The following RALGDS variants were observed in gnomAD, a reference collection of about 807,000 sequenced individuals.
RALGDS encodes ral guanine nucleotide exchange factor.
RALGDS carries 44 observed loss-of-function variants against 99.8 expected under a neutral mutation model. The observed-to-expected ratio is 0.44, with a 90% CI of 0.35 to 0.57. The LOEUF is 0.57. Among genes scored for constraint, RALGDS ranks in the 20% least tolerant of loss-of-function variants. The pLI is 0.01. For synonymous variants in RALGDS, 529 were observed against 505.0 expected (o/e 1.05, Z -0.64); for missense variants, 1,022 against 1,203.1 (o/e 0.85, Z 2.23).
intron 1 of RALGDS, chr9:133,129,277 C>T (rs1283750605): frequency 1.3e-6 from 2 of 1,594,954 alleles, no homozygotes; most frequent in African/African-American, 2.7e-5. Flanking sequence ...TCCCCCTGGG[C>T]ACGGCAGGCC....
upstream of RALGDS, among the ~76,000 whole-genome samples, chr9:133,132,893 T>C (rs914556264): frequency 6.6e-6 from 1 of 151,966 alleles, no homozygotes; most frequent in Non-Finnish European, 1.5e-5. Context: ...CGCCTTGGCC[T>C]CCCAAAATGC....
chr9:133,114,006 G>C (rs1326048493), intron 1 of RALGDS, among the ~76,000 whole-genome samples: 7 of 152,218 alleles, frequency 4.6e-5, no homozygotes, highest in African/African-American at 7.2e-5. Flanking sequence ...CCAATCCCCA[G>C]GAGGGGCTGA....
upstream of RALGDS, chr9:133,121,312 G>T: frequency 1.3e-6 from 1 of 782,960 alleles, no homozygotes; most frequent in Non-Finnish European, 1.6e-6. Context: ...GTGGGGCCGG[G>T]GAGGGGCGGA....
Position 133,112,690 on chromosome 9 carries a change from C to T in RALGDS, c.184-538G>A, listed in dbSNP as rs910010204. On this transcript the variant is annotated intron_variant, in intron 1 of 17. Transcript: ENST00000372050. The stretch of plus-strand genomic sequence containing the variant: ...CCCTCCTCTACCCAGCCTGGGGGGC[C>T]CTGGCTGACCTAGCAGGAACGCACA... Among the ~76,000 whole-genome samples the T allele has an allele frequency of 9.2e-5, 14 of 152,304 alleles. 1 individual carries two copies. Among genetic ancestry groups the T allele is most frequent in the Admixed American group, 9.1e-4 (14 of 15,308 alleles).
chr9:133,132,470 G>A (rs1407032466), upstream of RALGDS, among the ~76,000 whole-genome samples: 6 of 152,222 alleles, frequency 3.9e-5, no homozygotes, highest in African/African-American at 1.4e-4. Context: ...GTTTGAGGGG[G>A]TGGGGAGGGC....
chr9:133,099,543 T>C (rs1252283407), intron 17 of RALGDS: 1 of 153,132 alleles, frequency 6.5e-6, no homozygotes, highest in Non-Finnish European at 1.5e-5. Flanking sequence ...AGTTAACTTT[T>C]ATGGTGCACA....
rs527882517 is a variant in RALGDS, at chr9:133,107,654, G to A, written c.1197+334C>T. Among the ~76,000 whole-genome samples, 580 of 152,342 alleles carry A rather than the reference G, an allele frequency of 3.8e-3. 6 individuals carry two copies. Among genetic ancestry groups the A allele is most frequent in the African/African-American group, 0.014 (567 of 41,582 alleles). On this transcript the variant is annotated intron_variant, in intron 6 of 17. Coordinates refer to ENST00000372050, the MANE Select transcript of RALGDS (RefSeq NM_006266.4). Reference sequence around the variant, plus strand: ...AGGACACACCAAGTGCCTAATGAGTGCTGAGGCTGGTGAGCCTCCTGAACA... The same window carrying A: ...AGGACACACCAAGTGCCTAATGAGTACTGAGGCTGGTGAGCCTCCTGAACA...
intron 1 of RALGDS, among the ~76,000 whole-genome samples, chr9:133,139,229 C>T (rs911547149): frequency 6.6e-6 from 1 of 152,214 alleles, no homozygotes; most frequent in Non-Finnish European, 1.5e-5. Context: ...CCTGCAGGCC[C>T]AGAGGCCCTG....
chr9:133,108,788 G>A lies in RALGDS; in HGVS notation c.663C>T (p.Leu221=), dbSNP rs752555381. Residue 221 remains leucine (L), a synonymous_variant, in exon 5 of 18, where the codon CTC becomes CTT. Coordinates refer to ENST00000372050, the MANE Select transcript of RALGDS (RefSeq NM_006266.4). ...DFCQPPDFPC[L]KQLVAYVQLN... is the part of the protein sequence containing the mutation. ...GCTGCACGTAGGCCACCAGCTGCTT[G>A]AGGCAGGGAAAGTCCGGAGGTTGAC... 2 of 1,613,592 alleles carry A rather than the reference G, an allele frequency of 1.2e-6. No individual in the cohort carries two copies. Among genetic ancestry groups the A allele is most frequent in the Admixed American group, 1.7e-5 (1 of 60,018 alleles).
In RALGDS at chr9:133,098,559, C is replaced by T. The variant is rs957917376; in HGVS notation, c.*28G>A. ...CTCTGGTCCATAAGTGCTTGGCTAC[C>T]AGCCAGCCAGACCCTGGGAGGATGC... On this transcript the variant is annotated 3_prime_UTR_variant, in exon 18 of 18. Coordinates refer to ENST00000372050, the MANE Select transcript of RALGDS (RefSeq NM_006266.4). The T allele has an allele frequency of 2.5e-6, 4 of 1,612,654 alleles. No homozygotes were observed. Among genetic ancestry groups the T allele is most frequent in the Middle Eastern group, 1.8e-4 (1 of 5,600 alleles).
chr9:133,115,374 C>T (rs1231028132), intron 1 of RALGDS, among the ~76,000 whole-genome samples: 3 of 152,182 alleles, frequency 2.0e-5, no homozygotes, highest in African/African-American at 7.2e-5. Flanking sequence ...CCTGGTCCTC[C>T]CCGGGCCTGT....
In RALGDS at chr9:133,144,157, A is replaced by G. The variant is rs1462323923; in HGVS notation, c.18+4806T>C. Among the ~76,000 whole-genome samples, 2 of 152,160 alleles carry G rather than the reference A, an allele frequency of 1.3e-5. No homozygotes were observed. The highest frequency in any genetic ancestry group is 2.9e-5 in the Non-Finnish European group (2 of 68,030). On this transcript the variant is annotated intron_variant, in intron 1 of 17. Transcript: ENST00000393160. The surrounding 1 kb of genome is among the most constrained non-coding windows in gnomAD (Gnocchi z 4.5). Reference sequence around the variant, plus strand: ...CGAGCACCCGCAGACCTGGGCCTGCAGTAACAGGAGAGCTATCTGCAAACC... The same window carrying G: ...CGAGCACCCGCAGACCTGGGCCTGCGGTAACAGGAGAGCTATCTGCAAACC...
At chr9:133,149,100 T>A in exon 1 of RALGDS, 1 of 589,104 alleles carries the variant, frequency 1.7e-6, no homozygotes, top group Non-Finnish European at 2.2e-6. Context: ...TGGCGCGGCC[T>A]CCGGTCCCCG....
At chr9:133,141,364 C>A (rs1293916663) in intron 1 of RALGDS, among the ~76,000 whole-genome samples, 1 of 152,238 alleles carries the variant, frequency 6.6e-6, no homozygotes, top group Non-Finnish European at 1.5e-5. Flanking sequence ...AGGCTGGACA[C>A]CCCTCATCCA....
At position 133,101,963 on chromosome 9, in the gene RALGDS, T is replaced by C. The variant is rs1382880454; in HGVS notation, c.2186A>G (p.Glu729Gly). 6.4e-7 allele frequency: 1 copy of C among 1,551,344 alleles called. No individual in the cohort carries two copies. Among genetic ancestry groups the C allele is most frequent in the Non-Finnish European group, 8.7e-7 (1 of 1,147,116 alleles). ...VEEINISFVP[E>G]SPDGQEKKFW... ...CTTCTTTTCCTGGCCATCAGGAGAC[T>C]CCGGGACGAAGCTGATGTTGATCTC... The change falls in exon 15 of 18, where the codon GAG becomes GGG. Residue 729 changes from glutamate (E) to glycine (G), a missense_variant. By Grantham distance (98) the Glu-to-Gly change is moderately conservative. Transcript: ENST00000372050.
Position 133,144,623 on chromosome 9 carries a change from G to C in RALGDS, c.18+4340C>G, listed in dbSNP as rs1832593684. 6.6e-6 allele frequency among the ~76,000 whole-genome samples: 1 copy of C among 152,234 alleles called. No homozygotes were observed. The highest frequency in any genetic ancestry group is 1.5e-5 in the Non-Finnish European group (1 of 68,040). On this transcript the variant is annotated intron_variant, in intron 1 of 17. Transcript: ENST00000393160. This position sits in a 1 kb window ranked among gnomAD's most constrained non-coding sequence, Gnocchi z 4.5. ...CACCTGCTGGTGCTGCCGCCAGAGCGCGCCAAGCTGAGGAGCAGGCGGGCT... is the reference window on the plus strand; with the variant it reads ...CACCTGCTGGTGCTGCCGCCAGAGCCCGCCAAGCTGAGGAGCAGGCGGGCT...
chr9:133,146,164 G>T (rs1043212227), intron 1 of RALGDS, among the ~76,000 whole-genome samples: 4 of 150,690 alleles, frequency 2.7e-5, no homozygotes, highest in African/African-American at 9.7e-5. Flanking sequence ...CCTTCCAATG[G>T]CTCCCATGAT....
At chr9:133,135,248 G>A (rs1052605736), upstream of RALGDS, among the ~76,000 whole-genome samples, 3 of 152,192 alleles carry the variant, frequency 2.0e-5, no homozygotes, top group African/African-American at 4.8e-5. Flanking sequence ...GTGGAAGGTG[G>A]GCCACCCTGG....
At chr9:133,106,866 A>G in intron 7 of RALGDS, 118 bp from the exon 8 acceptor site, 1 of 949,242 alleles carries the variant, frequency 1.1e-6, no homozygotes, top group African/African-American at 1.6e-5. Context: ...GAGTCCCCAG[A>G]GGGCACGCCT....
Sources: allele counts gnomAD v4.1 joint callset (sites outside exome capture counted in the v4.1 genomes callset), GRCh38; gene constraint gnomAD v4.1.1; non-coding constraint Gnocchi (gnomAD v3.1); transcripts MANE v1.5; gene names NCBI Gene and HGNC (gene_info 2026-07-23, HGNC 2026-07-21).